The following MLXIPL variants were observed in gnomAD, a reference collection of about 807,000 sequenced individuals.
MLXIPL encodes the protein carbohydrate-responsive element-binding protein.
MLXIPL carries 49 observed loss-of-function variants against 81.5 expected under a neutral mutation model. The ratio of observed to expected loss-of-function variants is 0.60; its 90% confidence interval spans 0.48 to 0.76. The LOEUF is 0.76. MLXIPL is among the 30% of genes least tolerant of loss of function. The pLI is 0.00. For synonymous variants in MLXIPL, 466 were observed against 485.5 expected (o/e 0.96, Z 0.53); for missense variants, 1,053 against 1,167.0 (o/e 0.90, Z 1.42).
chr7:73,635,562 T>C, the MLXIPL span, among the ~76,000 whole-genome samples: 5 of 151,484 alleles, frequency 3.3e-5, no homozygotes, highest in South Asian at 2.1e-4. Flanking sequence ...CATCCATCCA[T>C]CCACCCATCT....
upstream of MLXIPL, among the ~76,000 whole-genome samples, chr7:73,626,484 T>G (rs34121855): frequency 0.16 from 24,567 of 151,602 alleles, 2,073 homozygotes; most frequent in Non-Finnish European, 0.19. Flanking sequence ...TTTTTTTTTG[T>G]AGAGATGAAA....
intron 2 of MLXIPL, among the ~76,000 whole-genome samples, 181 bp from the exon 3 acceptor site, chr7:73,607,853 CTTTTTTTTTT>C (rs1166806013): frequency 9.1e-6 from 1 of 110,360 alleles, no homozygotes; most frequent in African/African-American, 3.8e-5. Flanking sequence ...CTAGATCTTC[CTTTTTTTTTT>C]TTTTTTTTTG....
the MLXIPL span, among the ~76,000 whole-genome samples, chr7:73,635,055 A>G: frequency 6.7e-6 from 1 of 149,656 alleles, no homozygotes; most frequent in Non-Finnish European, 1.5e-5. Context: ...TAAACTCCTG[A>G]CTTCAAGTGA....
At chr7:73,627,790 T>C, upstream of MLXIPL, among the ~76,000 whole-genome samples, 1 of 151,792 alleles carries the variant, frequency 6.6e-6, no homozygotes, top group Non-Finnish European at 1.5e-5. Context: ...GGATAGGAAG[T>C]GTCAGCTCCG....
chr7:73,615,738 A>T (rs1554600610), intron 2 of MLXIPL, among the ~76,000 whole-genome samples: 1 of 151,938 alleles, frequency 6.6e-6, no homozygotes, highest in African/African-American at 2.4e-5. Flanking sequence ...AACATGGTGA[A>T]ACCGTCTCTA....
intron 7 of MLXIPL, among the ~76,000 whole-genome samples, chr7:73,600,258 G>C (rs1237377025): frequency 6.0e-5 from 9 of 149,730 alleles, no homozygotes; most frequent in Non-Finnish European, 8.9e-5. Context: ...AGAGTGTAAT[G>C]GGGCGAGAGG....
intron 2 of MLXIPL, among the ~76,000 whole-genome samples, chr7:73,608,410 A>T (rs1467071903): frequency 5.3e-5 from 8 of 150,814 alleles, no homozygotes; most frequent in Non-Finnish European, 8.9e-5. Context: ...AACATGGTGA[A>T]ACCCCGTCTC....
chr7:73,629,974 T>TTTTATTTATTTA, the MLXIPL span, among the ~76,000 whole-genome samples: 46 of 143,604 alleles, frequency 3.2e-4, no homozygotes, highest in African/African-American at 5.9e-4. Context: ...TTTTTATTAT[T>TTTTATTTATTTA]TTTATTTATT....
Position 73,596,867 on chromosome 7 carries a change from G to C in MLXIPL, c.1669C>G (p.Pro557Ala), listed in dbSNP as rs782771428. The C allele has an allele frequency of 6.2e-7, 1 of 1,611,242 alleles. No homozygotes were observed. Among genetic ancestry groups the C allele is most frequent in the Admixed American group, 1.7e-5 (1 of 59,810 alleles). Residue 557 changes from proline (P) to alanine (A), a missense_variant and splice_region_variant, in exon 10 of 17, where the codon CCG becomes GCG. Physicochemically the swap from Pro to Ala is conservative, Grantham distance 27. Around this residue, in one of 3 missense-constraint regions of MLXIPL, gnomAD observed 823 missense variants for 933.0 expected, o/e 0.88. Coordinates refer to ENST00000313375, the MANE Select transcript of MLXIPL (RefSeq NM_032951.3). This position sits in a 1 kb window ranked among gnomAD's most constrained non-coding sequence, Gnocchi z 4.7. ...CCGCCCAGTGCCCGAGATCTTACCG[G>C]GGACCCTGGGGACCGGAGGAGGGTG... The part of the protein sequence containing the change: ...SSTLLRSPGS[P>A]QETVPEFPCT...
At chr7:73,615,771 G>A (rs769700303) in intron 2 of MLXIPL, among the ~76,000 whole-genome samples, 107 of 152,066 alleles carry the variant, frequency 7.0e-4, no homozygotes, top group Non-Finnish European at 9.9e-4. Flanking sequence ...AAATTAGCTG[G>A]GAGTGGTGGT....
At chr7:73,606,899 A>T in intron 5 of MLXIPL, 75 bp downstream of exon 5, 1 of 1,524,680 alleles carries the variant, frequency 6.6e-7, no homozygotes, top group East Asian at 2.3e-5. Context: ...CTGAGGCGGA[A>T]ACTGTCAACT....
chr7:73,646,795 G>A, the MLXIPL span, among the ~76,000 whole-genome samples: 42 of 152,248 alleles, frequency 2.8e-4, no homozygotes, highest in Non-Finnish European at 5.1e-4. Context: ...GCAGGACATG[G>A]GGCAGGGGAG....
chr7:73,629,152 C>T (rs1400416364), upstream of MLXIPL, among the ~76,000 whole-genome samples: 5 of 152,010 alleles, frequency 3.3e-5, no homozygotes, highest in African/African-American at 1.2e-4. Context: ...AAGCGATTCT[C>T]CTGCCTCAGC....
At chr7:73,636,167 T>G in the MLXIPL span, among the ~76,000 whole-genome samples, 1 of 152,218 alleles carries the variant, frequency 6.6e-6, no homozygotes, top group East Asian at 1.9e-4. Context: ...CCCAACACTT[T>G]GGGAGGCCAA....
chr7:73,629,977 TA>T, the MLXIPL span, among the ~76,000 whole-genome samples: 6 of 20,252 alleles, frequency 3.0e-4, no homozygotes, highest in South Asian at 7.1e-3. Context: ...TTATTATTTT[TA>T]TTTATTTATT....
chr7:73,632,030 C>G, the MLXIPL span, among the ~76,000 whole-genome samples: 3 of 151,084 alleles, frequency 2.0e-5, no homozygotes, highest in Non-Finnish European at 4.4e-5. Flanking sequence ...CCCTCAGTCA[C>G]CTAGGTTGCT....
At chr7:73,631,938 C>CTTTCTT in the MLXIPL span, among the ~76,000 whole-genome samples, 1 of 137,082 alleles carries the variant, frequency 7.3e-6, no homozygotes, top group Non-Finnish European at 1.5e-5. Context: ...CTCCCCTCCT[C>CTTTCTT]TTCTTTTCTC....
chr7:73,630,714 C>G, the MLXIPL span, among the ~76,000 whole-genome samples: 2 of 152,228 alleles, frequency 1.3e-5, no homozygotes, highest in East Asian at 3.8e-4. Context: ...CCACAAGTAC[C>G]TATGTTCTCA....
the MLXIPL span, among the ~76,000 whole-genome samples, chr7:73,635,783 C>T: frequency 1.4e-4 from 22 of 152,148 alleles, no homozygotes; most frequent in African/African-American, 4.8e-4. Flanking sequence ...TCTATCTGTC[C>T]ATCCATCGTT....
Sources: allele counts gnomAD v4.1 joint callset (sites outside exome capture counted in the v4.1 genomes callset), GRCh38; gene constraint gnomAD v4.1.1; regional missense constraint gnomAD v4.1.1; non-coding constraint Gnocchi (gnomAD v3.1); transcripts MANE v1.5; gene names NCBI Gene and HGNC (gene_info 2026-07-23, HGNC 2026-07-21).